The following DCLK1 variants were observed in gnomAD, a reference collection of about 807,000 sequenced individuals.
DCLK1 encodes the protein doublecortin like kinase 1.
A neutral mutation model predicts 86.2 loss-of-function variants in DCLK1; 16 were observed. The ratio of observed to expected loss-of-function variants is 0.19; its 90% CI spans 0.13 to 0.28. DCLK1 has a LOEUF of 0.28. Among genes scored for constraint, DCLK1 ranks in the 10% least tolerant of loss-of-function variants. The probability of loss-of-function intolerance (pLI) is 1.00; values close to 1 mark genes in which losing one functional copy is unlikely to be tolerated. For synonymous variants in DCLK1, 369 were observed against 370.5 expected (o/e 1.00, Z 0.05); for missense variants, 590 against 940.2 (o/e 0.63, Z 4.87).
chr13:36,077,798 T>C (rs1030255452), intron 3 of DCLK1, among the ~76,000 whole-genome samples: 1 of 152,164 alleles, frequency 6.6e-6, no homozygotes, highest in African/African-American at 2.4e-5. Flanking sequence ...AAAACCTGCA[T>C]TATTTTCCAT....
chr13:35,884,765 T>TG (rs1189714724), intron 4 of DCLK1, among the ~76,000 whole-genome samples: 1 of 151,980 alleles, frequency 6.6e-6, no homozygotes, highest in Non-Finnish European at 1.5e-5. Context: ...AAAGTGGAAA[T>TG]GGTTGGAGTT....
chr13:36,035,088 G>A (rs904522853), intron 3 of DCLK1, among the ~76,000 whole-genome samples: 2 of 152,094 alleles, frequency 1.3e-5, no homozygotes, highest in Non-Finnish European at 2.9e-5. Context: ...CCCACCTCCA[G>A]TCAGTCCTGC....
At chr13:35,797,618 A>T (rs973392130) in intron 15 of DCLK1, among the ~76,000 whole-genome samples, 12 of 152,094 alleles carry the variant, frequency 7.9e-5, no homozygotes, top group Non-Finnish European at 7.4e-5. Flanking sequence ...TTTTTTTCCA[A>T]TGAAATAAGG....
intron 11 of DCLK1, among the ~76,000 whole-genome samples, chr13:35,816,352 T>C (rs1249280526): frequency 1.3e-5 from 2 of 152,156 alleles, no homozygotes; most frequent in African/African-American, 4.8e-5. Context: ...TTCCTATCCT[T>C]CTTTTTCCAT....
At chr13:35,826,529 A>G (rs113733183) in intron 10 of DCLK1, among the ~76,000 whole-genome samples, 19,259 of 49,328 alleles carry the variant, frequency 0.39, 5,413 homozygotes, top group Non-Finnish European at 0.54. Context: ...ATCTCAAAAA[A>G]AAAAAAAAAA....
chr13:35,997,360 T>G (rs1284599404), intron 3 of DCLK1, among the ~76,000 whole-genome samples: 2 of 152,246 alleles, frequency 1.3e-5, no homozygotes, highest in African/African-American at 2.4e-5. Flanking sequence ...ATCTCTCATT[T>G]TAAGGGGAAA....
At chr13:36,074,468 C>CAAAAAAAAAA (rs768865436) in intron 3 of DCLK1, among the ~76,000 whole-genome samples, 3 of 79,350 alleles carry the variant, frequency 3.8e-5, no homozygotes, top group Non-Finnish European at 5.3e-5. Flanking sequence ...GACTCCGTCT[C>CAAAAAAAAAA]AAAAAAAAAA....
chr13:35,888,188 T>C (rs541185223), intron 4 of DCLK1, among the ~76,000 whole-genome samples: 6 of 152,300 alleles, frequency 3.9e-5, no homozygotes, highest in African/African-American at 1.2e-4. Flanking sequence ...TACTTGACTT[T>C]CCTTTTAATG....
rs376231053 is a variant in DCLK1, at chr13:36,095,173, G to GTT, written c.723+16694_723+16695dup. The stretch of plus-strand genomic sequence containing the variant: ...GATATCTCTCTATCTCTCTCTCTTT[G>GTT]TTTTTTTTTTTTGTTTTTTTTGTTT... On this transcript the variant is annotated intron_variant, in intron 3 of 16. Coordinates refer to ENST00000360631, the MANE Select transcript of DCLK1 (RefSeq NM_001330071.2). Among the ~76,000 whole-genome samples the GTT allele has an allele frequency of 4.9e-3, 532 of 109,394 alleles. 5 individuals are homozygous for GTT. Among genetic ancestry groups the GTT allele is most frequent in the Non-Finnish European group, 8.0e-3 (429 of 53,352 alleles). The allele number at this position is 109,394 out of a possible 152,430, so 71.8% of individuals were successfully genotyped here.
chr13:36,034,063 G>C (rs536487529), intron 3 of DCLK1, among the ~76,000 whole-genome samples: 1 of 152,168 alleles, frequency 6.6e-6, no homozygotes, highest in African/African-American at 2.4e-5. Flanking sequence ...AGCCAGGAGG[G>C]AAGGTCTTTG....
chr13:36,055,153 C>A (rs1238394777), intron 3 of DCLK1, among the ~76,000 whole-genome samples: 1 of 152,078 alleles, frequency 6.6e-6, no homozygotes, highest in Non-Finnish European at 1.5e-5. Context: ...AGAAGAACAG[C>A]CGTTCCCAGA....
At chr13:35,940,307 T>A (rs78732406) in intron 4 of DCLK1, among the ~76,000 whole-genome samples, 16 of 135,204 alleles carry the variant, frequency 1.2e-4, no homozygotes, top group South Asian at 2.3e-4. Context: ...AAAAAAAAAA[T>A]AAGTTAGTAT....
chr13:36,000,984 T>C (rs927305756), intron 3 of DCLK1, among the ~76,000 whole-genome samples: 10 of 152,078 alleles, frequency 6.6e-5, no homozygotes, highest in Admixed American at 6.6e-4. Context: ...GTTTCACTTT[T>C]GTTGCCCAGG....
At chr13:35,982,635 A>G (rs1879716023) in intron 3 of DCLK1, among the ~76,000 whole-genome samples, 1 of 152,168 alleles carries the variant, frequency 6.6e-6, no homozygotes, top group Non-Finnish European at 1.5e-5. Flanking sequence ...GCGATGCTTC[A>G]TTGTCAATCT....
chr13:35,781,550 T>G lies in DCLK1; in HGVS notation c.2059-6851A>C, dbSNP rs562850323. On this transcript the variant is annotated intron_variant, in intron 16 of 16. Transcript: ENST00000360631. ...TCACAAGAGATGTACTCACTTTCAT[T>G]GTGAGGCAATGGTTTCTGTCATGGC... Among the ~76,000 whole-genome samples, 10 of 152,350 alleles carry G rather than the reference T, an allele frequency of 6.6e-5. No homozygotes were observed. In the South Asian group the frequency reaches 2.1e-3, roughly 32 times the overall value.
intron 11 of DCLK1, among the ~76,000 whole-genome samples, chr13:35,817,421 C>T (rs1009280908): frequency 1.3e-5 from 2 of 152,144 alleles, no homozygotes; most frequent in Admixed American, 1.3e-4. Context: ...AGTTTCTGCC[C>T]GGACACTCAC....
intron 15 of DCLK1, among the ~76,000 whole-genome samples, chr13:35,794,524 C>A (rs1217152980): frequency 6.6e-6 from 1 of 152,198 alleles, no homozygotes; most frequent in African/African-American, 2.4e-5. Flanking sequence ...GAGCTGGTCC[C>A]TCCACATGGC....
At chr13:35,920,108 A>G (rs1358895130) in intron 4 of DCLK1, among the ~76,000 whole-genome samples, 5 of 152,154 alleles carry the variant, frequency 3.3e-5, no homozygotes, top group African/African-American at 1.2e-4. Context: ...TTCCTCCACT[A>G]TTATATACCA....
At chr13:36,085,581 C>T (rs997482101) in intron 3 of DCLK1, among the ~76,000 whole-genome samples, 12 of 152,126 alleles carry the variant, frequency 7.9e-5, no homozygotes, top group Admixed American at 4.6e-4. Context: ...CTCATGTTTG[C>T]AGTAATTTTC....
Sources: gnomAD v4.1 joint callset for allele counts (sites outside exome capture counted in the v4.1 genomes callset) on GRCh38, gnomAD v4.1.1 for gene constraint, MANE v1.5 for transcripts, NCBI Gene and HGNC (gene_info 2026-07-23, HGNC 2026-07-21) for gene names.